The following PKHD1 variants were observed in gnomAD, a reference collection of about 807,000 sequenced individuals.
PKHD1 encodes the protein PKHD1 ciliary IPT domain containing fibrocystin/polyductin, also known as fibrocystin.
Under a neutral mutation model 412.0 loss-of-function variants are expected in PKHD1, and 291 were observed. The observed-to-expected ratio is 0.71, with a 90% CI of 0.64 to 0.78. PKHD1 has a LOEUF of 0.78. Ranked by LOEUF, PKHD1 falls within the 30% of genes least tolerant of loss-of-function variation. PKHD1 has a pLI of 0.00. For missense variants in PKHD1, 4,825 were observed against 4,950.7 expected (o/e 0.97, Z 0.76); for synonymous variants, 1,777 against 1,821.5 (o/e 0.98, Z 0.62).
chr6:52,069,651 G>A, intron 10 of PKHD1, 124 bp from the exon 11 acceptor site: 1 of 785,000 alleles, frequency 1.3e-6, no homozygotes, highest in South Asian at 1.4e-5. Flanking sequence ...AGTTGAAATA[G>A]CAGCTCCCTT....
intron 21 of PKHD1, among the ~76,000 whole-genome samples, chr6:52,051,847 C>T (rs748607257): frequency 6.2e-4 from 36 of 58,398 alleles, no homozygotes; most frequent in Non-Finnish European, 2.0e-3. Context: ...TCTTGGGCAC[C>T]AAAAAATTCA....
intron 49 of PKHD1, among the ~76,000 whole-genome samples, chr6:51,849,384 A>G (rs538206481): frequency 1.3e-5 from 2 of 152,310 alleles, no homozygotes; most frequent in East Asian, 1.9e-4. Context: ...CAGTAGAATA[A>G]TTTATAATCC....
chr6:51,622,487 T>C (rs1766750039), intron 66 of PKHD1: 1 of 152,208 alleles, frequency 6.6e-6, no homozygotes. Flanking sequence ...TCAACCATCT[T>C]GGTTTCTCAT....
chr6:51,765,921 T>C (rs1788915058), intron 55 of PKHD1, among the ~76,000 whole-genome samples: 1 of 152,124 alleles, frequency 6.6e-6, no homozygotes, highest in Non-Finnish European at 1.5e-5. Context: ...GCTTAATTAA[T>C]GTCCATGCTT....
intron 60 of PKHD1, among the ~76,000 whole-genome samples, chr6:51,680,508 A>C (rs1776502666): frequency 6.6e-6 from 1 of 152,102 alleles, no homozygotes; most frequent in Non-Finnish European, 1.5e-5. Context: ...ACAAACTAAT[A>C]AATCTTAGTC....
chr6:51,988,042 G>A (rs1296393524), intron 35 of PKHD1, among the ~76,000 whole-genome samples: 2 of 152,138 alleles, frequency 1.3e-5, no homozygotes, highest in Non-Finnish European at 2.9e-5. Flanking sequence ...TGTTTGGTAA[G>A]TATCATTGTT....
intron 36 of PKHD1, among the ~76,000 whole-genome samples, chr6:51,944,520 A>G (rs1789129660): frequency 6.6e-6 from 1 of 152,122 alleles, no homozygotes. Flanking sequence ...CCAAGACTCA[A>G]CCAGTGCTGT....
intron 55 of PKHD1, among the ~76,000 whole-genome samples, chr6:51,760,074 A>T (rs553631527): frequency 0.017 from 2,595 of 152,242 alleles, 71 homozygotes; most frequent in African/African-American, 0.058. Flanking sequence ...CTTGCCAATG[A>T]GTGCATAAGG....
chr6:51,934,349 TC>T (rs1787139861), intron 36 of PKHD1, 27 bp from the exon 37 acceptor site: 1 of 1,475,120 alleles, frequency 6.8e-7, no homozygotes, highest in Admixed American at 1.7e-5. Flanking sequence ...AAATTGTCAG[TC>T]CCTGGGAGGA....
At chr6:51,737,743 T>C (rs964572577) in intron 60 of PKHD1, among the ~76,000 whole-genome samples, 1 of 152,112 alleles carries the variant, frequency 6.6e-6, no homozygotes, top group Admixed American at 6.5e-5. Context: ...TGTGTGTGTG[T>C]GTGTGTGTTT....
At chr6:51,852,415 G>T (rs1394457615) in intron 49 of PKHD1, among the ~76,000 whole-genome samples, 2 of 152,112 alleles carry the variant, frequency 1.3e-5, no homozygotes, top group Non-Finnish European at 2.9e-5. Context: ...CGTCTACTAG[G>T]TCCACTCGAT....
At chr6:52,008,217 A>G (rs143855714) in intron 35 of PKHD1, among the ~76,000 whole-genome samples, 2 of 152,366 alleles carry the variant, frequency 1.3e-5, no homozygotes, top group African/African-American at 2.4e-5. Context: ...TTATGAGGCC[A>G]GATAACTACC....
At chr6:51,850,665 G>GTT (rs1562460304) in intron 49 of PKHD1, among the ~76,000 whole-genome samples, 1 of 152,142 alleles carries the variant, frequency 6.6e-6, no homozygotes, top group Non-Finnish European at 1.5e-5. Flanking sequence ...ATTGTGAATA[G>GTT]GAGTTCATTC....
chr6:52,068,849 C>T (rs1810148492), intron 11 of PKHD1, among the ~76,000 whole-genome samples: 1 of 152,136 alleles, frequency 6.6e-6, no homozygotes, highest in Admixed American at 6.5e-5. Flanking sequence ...TTATCTTGCA[C>T]TTTTGACAAA....
chr6:51,705,463 A>G (rs1779909813), intron 60 of PKHD1, among the ~76,000 whole-genome samples: 1 of 152,122 alleles, frequency 6.6e-6, no homozygotes, highest in African/African-American at 2.4e-5. Flanking sequence ...AATGAAGAAG[A>G]ATATGACAGT....
At chr6:52,080,641 T>C (rs1252674679) in intron 4 of PKHD1, among the ~76,000 whole-genome samples, 1 of 152,230 alleles carries the variant, frequency 6.6e-6, no homozygotes, top group Non-Finnish European at 1.5e-5. Context: ...TGACCTTAAA[T>C]ATTTAGATCT....
chr6:51,984,856 C>T (rs1562060084), intron 35 of PKHD1, among the ~76,000 whole-genome samples: 1 of 152,154 alleles, frequency 6.6e-6, no homozygotes, highest in Non-Finnish European at 1.5e-5. Flanking sequence ...ACCAAATTAA[C>T]GTTGGGTTAC....
rs566985460 is a variant in PKHD1 at position 51,940,550 on chromosome 6, C to T, written c.5909-6228G>A. Among the ~76,000 whole-genome samples the T allele has an allele frequency of 4.6e-5, 7 of 151,840 alleles. 1 individual carries two copies. The highest frequency in any genetic ancestry group is 1.4e-4 in the African/African-American group (6 of 41,520). On this transcript the variant is annotated intron_variant, in intron 36 of 66. Coordinates refer to ENST00000371117, the MANE Select transcript of PKHD1 (RefSeq NM_138694.4). ...ATCTGTGTGGGACCCCACTGAAAAT[C>T]GGACTGTTCAACTCACCTGGAAGCC...
intron 35 of PKHD1, among the ~76,000 whole-genome samples, chr6:52,009,335 G>A (rs576998597): frequency 3.3e-5 from 5 of 152,274 alleles, no homozygotes; most frequent in East Asian, 3.9e-4. Context: ...GTTTGCCATC[G>A]CATACATTTT....
Sources: allele counts gnomAD v4.1 joint callset (sites outside exome capture counted in the v4.1 genomes callset), GRCh38; gene constraint gnomAD v4.1.1; transcripts MANE v1.5; gene names NCBI Gene and HGNC (gene_info 2026-07-23, HGNC 2026-07-21).